Variants in LRP1B observed in about 807,000 individuals in gnomAD.
LRP1B encodes LDL receptor related protein 1B, also known as low-density lipoprotein receptor-related protein 1B.
In LRP1B, 217 loss-of-function variants were observed where a neutral mutation model predicts 556.6. The ratio of observed to expected loss-of-function variants is 0.39; its 90% CI spans 0.35 to 0.44. The LOEUF is 0.44. LRP1B is among the 20% of genes least tolerant of loss of function. The pLI is 1.00. For missense variants in LRP1B, 5,053 were observed against 5,620.8 expected (o/e 0.90, Z 3.23); for synonymous variants, 2,047 against 1,865.8 (o/e 1.10, Z -2.50).
chr2:140,939,221 C>T (rs1370013793), intron 20 of LRP1B, among the ~76,000 whole-genome samples: 2 of 151,952 alleles, frequency 1.3e-5, no homozygotes, highest in African/African-American at 4.8e-5. Context: ...TCATGCTTAA[C>T]TGTAAAAGTA....
At chr2:141,124,678 AAAG>A (rs1214644960) in intron 7 of LRP1B, among the ~76,000 whole-genome samples, 3 of 143,452 alleles carry the variant, frequency 2.1e-5, no homozygotes, top group Non-Finnish European at 3.0e-5. Flanking sequence ...AAAAAAAAAA[AAAG>A]AAAAAAATAC....
intron 2 of LRP1B, among the ~76,000 whole-genome samples, chr2:141,604,500 C>G (rs556957425): frequency 2.3e-4 from 35 of 152,186 alleles, no homozygotes; most frequent in African/African-American, 8.4e-4. Flanking sequence ...AGCCTGAAAA[C>G]CAAGCTACAA....
Position 140,867,790 on chromosome 2 carries a change from A to T in LRP1B, c.4379T>A (p.Ile1460Lys), listed in dbSNP as rs200022393. ...YSALYDGTNM[I>K]EIIRGHEYLS... Reference sequence around the variant, plus strand: ...GTATTCATGACCTCGGATGATTTCTATCATGTTTGTTCCATCATAGAGGGC... The same window carrying T: ...GTATTCATGACCTCGGATGATTTCTTTCATGTTTGTTCCATCATAGAGGGC... Residue 1460 changes from isoleucine (I) to lysine (K), a missense_variant, in exon 27 of 91, where the codon ATA becomes AAA. By Grantham distance (102) the Ile-to-Lys change is moderately radical. Coordinates refer to ENST00000389484, the MANE Select transcript of LRP1B (RefSeq NM_018557.3). 1 of 1,603,222 alleles carries T rather than the reference A, an allele frequency of 6.2e-7. No homozygotes were observed. Among genetic ancestry groups the T allele is most frequent in the Non-Finnish European group, 8.5e-7 (1 of 1,174,302 alleles).
At chr2:140,367,177 G>A (rs1216592029) in intron 71 of LRP1B, among the ~76,000 whole-genome samples, 2 of 151,862 alleles carry the variant, frequency 1.3e-5, no homozygotes, top group Admixed American at 1.3e-4. Context: ...TATTAATTAA[G>A]AGAGGCAGCT....
At chr2:140,667,812 T>C (rs1030413225) in intron 41 of LRP1B, among the ~76,000 whole-genome samples, 1 of 152,218 alleles carries the variant, frequency 6.6e-6, no homozygotes, top group Non-Finnish European at 1.5e-5. Context: ...TCTGCCTTAT[T>C]TTACAGTTAT....
At chr2:141,021,362 C>A (rs903636197) in intron 11 of LRP1B, among the ~76,000 whole-genome samples, 16 of 146,358 alleles carry the variant, frequency 1.1e-4, no homozygotes, top group Non-Finnish European at 1.5e-5. Flanking sequence ...TCTGATCTAA[C>A]TGAAAATTCC....
In LRP1B at chr2:140,352,885, A is replaced by G. The variant is rs562563442; in HGVS notation, c.11650+68T>C. On this transcript the variant is annotated intron_variant, in intron 76 of 90. Coordinates refer to ENST00000389484, the MANE Select transcript of LRP1B (RefSeq NM_018557.3). Reference sequence around the variant, plus strand: ...AGCTGTTGCTGGAATGAAATATAAAACATTTTTCTCCATAAAATGTTTACA... The same window carrying G: ...AGCTGTTGCTGGAATGAAATATAAAGCATTTTTCTCCATAAAATGTTTACA... 2.5e-5 allele frequency: 36 copies of G among 1,466,388 alleles called. No homozygotes were observed. The African/African-American group carries it at 4.7e-4, about 19-fold the overall frequency. The allele number at this position is 1,466,388 out of a possible 1,614,324, so 90.8% of individuals were successfully genotyped here.
chr2:141,437,533 A>T (rs1232560908), intron 3 of LRP1B, among the ~76,000 whole-genome samples: 2 of 152,090 alleles, frequency 1.3e-5, no homozygotes, highest in Non-Finnish European at 2.9e-5. Context: ...TTGAAATACA[A>T]ATACAAAGTA....
Position 141,096,636 on chromosome 2 carries a change from GAGA to G in LRP1B, c.1014-34366_1014-34364del, listed in dbSNP as rs1558858204. The stretch of plus-strand genomic sequence containing the variant: ...ACAAAGACGGGGAGAGGGGGAGAGA[GAGA>G]GAGAGAGAGAGAGAGAGAGAGAGAG... On this transcript the variant is annotated intron_variant, in intron 7 of 90. Coordinates refer to ENST00000389484, the MANE Select transcript of LRP1B (RefSeq NM_018557.3). Among the ~76,000 whole-genome samples, 94 of 58,738 alleles carry G rather than the reference GAGA, an allele frequency of 1.6e-3. 2 individuals carry two copies. Among genetic ancestry groups the G allele is most frequent in the African/African-American group, 5.4e-3 (89 of 16,368 alleles). The allele number at this position is 58,738 out of a possible 152,430, so 38.5% of individuals were successfully genotyped here. A position where few individuals can be genotyped will look rare whatever the true frequency, so the allele number is the denominator to read the frequency against.
intron 1 of LRP1B, among the ~76,000 whole-genome samples, chr2:142,115,694 TAA>T (rs375049887): frequency 0.012 from 235 of 20,166 alleles, 99 homozygotes; most frequent in African/African-American, 0.014. Flanking sequence ...AATATATATG[TAA>T]TATATATATA....
At chr2:141,819,849 T>C (rs1025805943) in intron 1 of LRP1B, among the ~76,000 whole-genome samples, 1 of 152,080 alleles carries the variant, frequency 6.6e-6, no homozygotes, top group Non-Finnish European at 1.5e-5. Context: ...GAAACATCAT[T>C]AACTATCTGA....
intron 7 of LRP1B, among the ~76,000 whole-genome samples, chr2:141,066,771 T>A (rs1699491949): frequency 6.6e-6 from 1 of 151,918 alleles, no homozygotes; most frequent in African/African-American, 2.4e-5. Flanking sequence ...TTTAACTTTT[T>A]AGAAAGTTAG....
intron 41 of LRP1B, among the ~76,000 whole-genome samples, chr2:140,628,690 T>C (rs1341967253): frequency 1.3e-5 from 2 of 152,178 alleles, no homozygotes; most frequent in South Asian, 2.1e-4. Flanking sequence ...AATTAATTGG[T>C]AAAGATAAGT....
chr2:141,991,755 C>T (rs1279826646), intron 1 of LRP1B, among the ~76,000 whole-genome samples: 1 of 152,018 alleles, frequency 6.6e-6, no homozygotes, highest in Non-Finnish European at 1.5e-5. Flanking sequence ...GACTGCAAAG[C>T]CTGTAGTTTT....
intron 7 of LRP1B, among the ~76,000 whole-genome samples, chr2:141,114,050 A>G (rs1700819099): frequency 6.6e-6 from 1 of 152,376 alleles, no homozygotes; most frequent in East Asian, 1.9e-4. Flanking sequence ...GTCACGAATT[A>G]TGGTGAAGCA....
chr2:140,335,339 A>C (rs1380202191), intron 78 of LRP1B, among the ~76,000 whole-genome samples: 1 of 151,988 alleles, frequency 6.6e-6, no homozygotes, highest in African/African-American at 2.4e-5. Flanking sequence ...CAGGCTCATT[A>C]TTCTGCAATA....
chr2:140,920,350 C>G (rs1040429854), intron 21 of LRP1B, among the ~76,000 whole-genome samples: 1 of 151,930 alleles, frequency 6.6e-6, no homozygotes, highest in Non-Finnish European at 1.5e-5. Context: ...ACTGTGCCTA[C>G]GTTTTGAACA....
intron 2 of LRP1B, among the ~76,000 whole-genome samples, chr2:141,760,444 TCAAA>T (rs1033828962): frequency 6.6e-6 from 1 of 152,180 alleles, no homozygotes; most frequent in Non-Finnish European, 1.5e-5. Flanking sequence ...CTTTATTTTC[TCAAA>T]CAAAAACATA....
At chr2:140,540,270 T>C (rs977985508) in intron 45 of LRP1B, among the ~76,000 whole-genome samples, 3 of 152,108 alleles carry the variant, frequency 2.0e-5, no homozygotes, top group African/African-American at 4.8e-5. Context: ...CAACAAGATA[T>C]TTCTCTCCTA....
Sources: allele counts gnomAD v4.1 joint callset (sites outside exome capture counted in the v4.1 genomes callset), GRCh38; gene constraint gnomAD v4.1.1; transcripts MANE v1.5; gene names NCBI Gene and HGNC (gene_info 2026-07-23, HGNC 2026-07-21).